LCOR: variants seen among roughly 807,000 people sequenced by gnomAD.
LCOR encodes the protein ligand-dependent corepressor.
A neutral mutation model predicts 64.4 loss-of-function variants in LCOR; 14 were observed. That is an observed-to-expected ratio of 0.22 (90% CI 0.14 to 0.34). The LOEUF is 0.34. LCOR is among the 10% of genes least tolerant of loss of function. The probability of loss-of-function intolerance (pLI) is 1.00; values close to 1 mark genes in which losing one functional copy is unlikely to be tolerated. For missense variants in LCOR, 1,686 were observed against 1,765.3 expected (o/e 0.96, Z 0.80); for synonymous variants, 643 against 642.5 (o/e 1.00, Z -0.01).
chr10:96,939,811 A>G (rs1267780150), intron 4 of LCOR, among the ~76,000 whole-genome samples: 2 of 152,202 alleles, frequency 1.3e-5, no homozygotes, highest in Non-Finnish European at 2.9e-5. Context: ...AAAATACAAA[A>G]AATCAGCCGG....
intron 4 of LCOR, among the ~76,000 whole-genome samples, chr10:96,925,089 A>T (rs1847145023): frequency 6.7e-6 from 1 of 149,636 alleles, no homozygotes; most frequent in African/African-American, 2.5e-5. Flanking sequence ...TTATTTATTT[A>T]TTTTTTGAGA....
At chr10:96,836,880 CTTTT>C (rs34173400) in intron 2 of LCOR, among the ~76,000 whole-genome samples, 2 of 152,052 alleles carry the variant, frequency 1.3e-5, no homozygotes, top group Non-Finnish European at 2.9e-5. Context: ...AAAGTGGAGA[CTTTT>C]TGTTAGGCAA....
intron 2 of LCOR, among the ~76,000 whole-genome samples, chr10:96,858,168 A>G (rs1188292828): frequency 2.0e-5 from 3 of 152,192 alleles, no homozygotes; most frequent in Non-Finnish European, 2.9e-5. Context: ...AGTATTAGAG[A>G]TAGTAAGGAC....
At chr10:96,955,786 G>C in intron 7 of LCOR, 1 of 1,614,232 alleles carries the variant, frequency 6.2e-7, no homozygotes, top group Non-Finnish European at 8.5e-7. Context: ...GTAAAGGAGA[G>C]GCTGGGCACT....
At chr10:96,862,671 A>G (rs1213611299) in intron 2 of LCOR, among the ~76,000 whole-genome samples, 1 of 152,100 alleles carries the variant, frequency 6.6e-6, no homozygotes, top group Non-Finnish European at 1.5e-5. Flanking sequence ...TCAACCCTCT[A>G]ATCCTGTCTT....
intron 2 of LCOR, among the ~76,000 whole-genome samples, chr10:96,892,019 G>A (rs911875422): frequency 6.6e-6 from 1 of 152,146 alleles, no homozygotes; most frequent in Admixed American, 6.5e-5. Flanking sequence ...GGTCTAACGT[G>A]TTGCCCTAGA....
chr10:96,910,406 C>T (rs779520250), intron 4 of LCOR, among the ~76,000 whole-genome samples: 2 of 152,054 alleles, frequency 1.3e-5, no homozygotes, highest in East Asian at 1.9e-4. Context: ...TTATTATTTT[C>T]GGAGACAGTC....
intron 2 of LCOR, among the ~76,000 whole-genome samples, chr10:96,863,036 A>G (rs1845913530): frequency 6.7e-6 from 1 of 149,988 alleles, no homozygotes; most frequent in Admixed American, 6.6e-5. Flanking sequence ...ACCCACCACC[A>G]CATGCCCGGC....
chr10:96,879,486 T>C (rs1846224721), intron 2 of LCOR, among the ~76,000 whole-genome samples: 1 of 152,234 alleles, frequency 6.6e-6, no homozygotes, highest in African/African-American at 2.4e-5. Context: ...TTCCGTAGCT[T>C]TAAAAATCAT....
At chr10:96,966,858 C>T (rs1847955685) in intron 7 of LCOR, among the ~76,000 whole-genome samples, 1 of 152,192 alleles carries the variant, frequency 6.6e-6, no homozygotes, top group Non-Finnish European at 1.5e-5. Context: ...ACCTCAGCCT[C>T]CTGAGTAGCT....
rs116631795 is a variant in LCOR at position 96,861,339 on chromosome 10, T to A, written c.-330+27860T>A. Among the ~76,000 whole-genome samples, 240 of 152,358 alleles carry A rather than the reference T, an allele frequency of 1.6e-3. 1 individual carries two copies. The highest frequency in any genetic ancestry group is 5.4e-3 in the African/African-American group (226 of 41,584). Reference sequence around the variant, plus strand: ...GTTCGTAGTGATGAATGCAGTAAGCTTCTTCTAACACTTATAAATATTTTT... The same window carrying A: ...GTTCGTAGTGATGAATGCAGTAAGCATCTTCTAACACTTATAAATATTTTT... On this transcript the variant is annotated intron_variant, in intron 2 of 7. Transcript: ENST00000421806.
intron 4 of LCOR, among the ~76,000 whole-genome samples, chr10:96,941,804 G>T: frequency 1.4e-5 from 2 of 139,442 alleles, no homozygotes; most frequent in Admixed American, 7.1e-5. Flanking sequence ...ATCCCAGACA[G>T]GGCGGCGGGG....
In LCOR at chr10:96,985,829, T is replaced by C. The variant is rs1402343329; in HGVS notation, c.*695T>C. 2 of 167,116 alleles carry C rather than the reference T, an allele frequency of 1.2e-5. No individual in the cohort carries two copies. The highest frequency in any genetic ancestry group is 2.4e-5 in the African/African-American group (1 of 41,476). The allele number at this position is 167,116 out of a possible 1,614,324, so 10.4% of individuals were successfully genotyped here. On this transcript the variant is annotated 3_prime_UTR_variant, in exon 8 of 8. Transcript: ENST00000421806. ...TTATGTGCCCATGGGACAAGAGATA[T>C]GTCACAAGTGTTAATTTTTGTTTAC...
At chr10:96,958,395 T>G (rs1847819120) in intron 7 of LCOR, 5 of 1,521,434 alleles carry the variant, frequency 3.3e-6, no homozygotes, top group Non-Finnish European at 3.5e-6. Context: ...CATAAATATT[T>G]TCTATGTGTG....
At chr10:96,972,977 A>G (rs1848010841) in intron 7 of LCOR, among the ~76,000 whole-genome samples, 2 of 152,214 alleles carry the variant, frequency 1.3e-5, no homozygotes, top group African/African-American at 4.8e-5. Context: ...CAATGGTGTC[A>G]CTGAGGCTGG....
intron 7 of LCOR, chr10:96,958,475 CTTGTA>C (rs778913479): frequency 6.7e-5 from 63 of 934,618 alleles, no homozygotes; most frequent in Admixed American, 3.2e-4. Context: ...TTTAAGAGAA[CTTGTA>C]TTGTGTCATT....
chr10:96,956,419 T>G (rs558312184), intron 7 of LCOR: 7 of 985,230 alleles, frequency 7.1e-6, no homozygotes, highest in Non-Finnish European at 8.4e-6. Context: ...ATCGAAGGAT[T>G]AAACTAAAGA....
intron 7 of LCOR, among the ~76,000 whole-genome samples, chr10:96,968,723 C>A (rs1350203773): frequency 6.6e-6 from 1 of 151,994 alleles, no homozygotes; most frequent in Non-Finnish European, 1.5e-5. Context: ...TCACTTGAGC[C>A]CAGGAGTTTG....
chr10:96,942,422 G>GGGAGACCGTGGAA (rs529355602), intron 4 of LCOR, among the ~76,000 whole-genome samples: 5 of 151,784 alleles, frequency 3.3e-5, no homozygotes, highest in South Asian at 2.1e-4. Context: ...CGGCATCAGA[G>GGGAGACCGTGGAA]GGAGACCGTG....
Sources: allele counts gnomAD v4.1 joint callset (sites outside exome capture counted in the v4.1 genomes callset), GRCh38; gene constraint gnomAD v4.1.1; transcripts MANE v1.5; gene names NCBI Gene and HGNC (gene_info 2026-07-23, HGNC 2026-07-21).